The following IRAG2 variants were observed in gnomAD, a reference collection of about 807,000 sequenced individuals.
IRAG2 encodes inositol 1,4,5-triphosphate receptor associated 2.
Under a neutral mutation model 69.9 loss-of-function variants are expected in IRAG2, and 45 were observed. The ratio of observed to expected loss-of-function variants is 0.64; its 90% CI spans 0.51 to 0.83. The LOEUF is 0.83. Ranked by LOEUF, IRAG2 falls within the 40% of genes least tolerant of loss-of-function variation. IRAG2 has a pLI of 0.00. For missense variants in IRAG2, 520 were observed against 587.0 expected (o/e 0.89, Z 1.18); for synonymous variants, 193 against 202.4 (o/e 0.95, Z 0.40).
In IRAG2 at chr12:25,081,458, C is replaced by T. The variant is rs553246872; in HGVS notation, c.244+1695C>T. 1.1e-3 allele frequency among the ~76,000 whole-genome samples: 165 copies of T among 152,240 alleles called. 2 individuals are homozygous for T. The South Asian group carries it at 0.033, about 31-fold the overall frequency. On this transcript the variant is annotated intron_variant, in intron 9 of 21. Coordinates refer to ENST00000556887, the MANE Select transcript of IRAG2 (RefSeq NM_001366544.2). ...CAGCCTGGGCAACAGAGCAAGACTC[C>T]GTCTCAAATATATACAATTGTATGT...
In IRAG2 at chr12:25,052,899, A is replaced by C. The variant is rs572270901; in HGVS notation, c.-504A>C. ...GGAACAACGGAACCTTCAAACTATA[A>C]ATACTGAATTATCGAACACTTGCCA... is the stretch of plus-strand genomic sequence containing the variant. On this transcript the variant is annotated 5_prime_UTR_variant, in exon 1 of 22. Transcript: ENST00000556887. The C allele has an allele frequency of 5.0e-6, 2 of 398,582 alleles. No homozygotes were observed. The highest frequency in any genetic ancestry group is 8.8e-5 in the Admixed American group (2 of 22,736). 24.7% of individuals were successfully genotyped at this position (398,582 alleles called of 1,614,324 possible).
chr12:25,084,318 A>G (rs1025716560), intron 10 of IRAG2, among the ~76,000 whole-genome samples: 3 of 152,128 alleles, frequency 2.0e-5, no homozygotes, highest in African/African-American at 7.2e-5. Flanking sequence ...TGAGCCCAGG[A>G]GTTTGAGGCT....
At chr12:25,080,262 G>A (rs182824175) in intron 9 of IRAG2, among the ~76,000 whole-genome samples, 2 of 151,916 alleles carry the variant, frequency 1.3e-5, no homozygotes, top group Non-Finnish European at 2.9e-5. Context: ...CATTCCCAGT[G>A]AGACACCACT....
intron 6 of IRAG2, among the ~76,000 whole-genome samples, chr12:25,019,638 G>A (rs1944562017): frequency 6.6e-6 from 1 of 152,144 alleles, no homozygotes; most frequent in Non-Finnish European, 1.5e-5. Flanking sequence ...TGTGGGTACA[G>A]GATAGGGGGC....
chr12:25,074,519 C>T (rs1274216269), intron 6 of IRAG2, among the ~76,000 whole-genome samples: 1 of 152,186 alleles, frequency 6.6e-6, no homozygotes, highest in Non-Finnish European at 1.5e-5. Flanking sequence ...TTGTTGTCCA[C>T]ACTGTCCTAT....
chr12:25,013,219 GTAAT>G (rs1944491020), intron 3 of IRAG2, among the ~76,000 whole-genome samples: 1 of 152,212 alleles, frequency 6.6e-6, no homozygotes, highest in African/African-American at 2.4e-5. Context: ...GCTCGTGCCT[GTAAT>G]CCCAGCACTT....
intron 6 of IRAG2, among the ~76,000 whole-genome samples, chr12:25,070,928 T>A (rs1946298779): frequency 6.6e-6 from 1 of 152,232 alleles, no homozygotes; most frequent in Non-Finnish European, 1.5e-5. Context: ...TTGTATAACT[T>A]CTTTGGAGAC....
the IRAG2 span, among the ~76,000 whole-genome samples, chr12:24,998,702 A>C: frequency 6.6e-6 from 1 of 151,658 alleles, no homozygotes; most frequent in African/African-American, 2.4e-5. Context: ...TTTTTTTTTT[A>C]CGTATATTAA....
At chr12:25,071,970 G>A (rs1041659538) in intron 6 of IRAG2, among the ~76,000 whole-genome samples, 4 of 152,104 alleles carry the variant, frequency 2.6e-5, no homozygotes, top group African/African-American at 4.8e-5. Context: ...TTGGGAGACC[G>A]AGGCAGGTGG....
rs182947885 is a variant in IRAG2, at chr12:25,005,646, G to A, written c.688+292G>A. On this transcript the variant is annotated intron_variant, in intron 2 of 38. Transcript: ENST00000636465. ...TATTTATTGAAACTACTTACATGTC[G>A]TAGGTGGCGCCCCACAGGAAATATG... Among the ~76,000 whole-genome samples, 654 of 152,220 alleles carry A rather than the reference G, an allele frequency of 4.3e-3. 5 individuals carry two copies. Among genetic ancestry groups the A allele is most frequent in the African/African-American group, 0.015 (614 of 41,526 alleles).
intron 14 of IRAG2, chr12:25,090,901 A>G (rs1365111414): frequency 4.4e-6 from 2 of 449,916 alleles, no homozygotes; most frequent in Non-Finnish European, 8.9e-6. Context: ...ATTTCCATTT[A>G]TGATTAACTG....
chr12:25,021,091 C>CTTTTTTTTTTTTTTTTTTTTTT (rs71063389), intron 7 of IRAG2: 3 of 266,020 alleles, frequency 1.1e-5, no homozygotes, highest in Non-Finnish European at 1.3e-5. Flanking sequence ...TCTTTCTTTT[C>CTTTTTTTTTTTTTTTTTTTTTT]TTTTTTTTTT....
chr12:25,019,614 G>T (rs12580818), intron 6 of IRAG2, among the ~76,000 whole-genome samples: 3,183 of 152,232 alleles, frequency 0.021, 45 homozygotes, highest in East Asian at 0.084. Flanking sequence ...TCTGCCAGTG[G>T]AGCTTGGAGT....
chr12:25,020,958 GA>G (rs1944573729), intron 7 of IRAG2: 2 of 923,586 alleles, frequency 2.2e-6, no homozygotes, highest in Non-Finnish European at 2.8e-6. Context: ...TTACATAACT[GA>G]AATATACAAG....
chr12:24,998,892 G>A, the IRAG2 span, among the ~76,000 whole-genome samples: 1 of 136,000 alleles, frequency 7.4e-6, no homozygotes, highest in Non-Finnish European at 1.6e-5. Flanking sequence ...GAAAAAAACA[G>A]GAAAGATAAT....
intron 14 of IRAG2, chr12:25,093,327 T>C (rs548815250): frequency 1.3e-5 from 2 of 153,714 alleles, no homozygotes; most frequent in East Asian, 3.9e-4. Flanking sequence ...TGTGTCTTTT[T>C]CAACAGATGG....
In IRAG2 at chr12:25,045,474, TAAAC is replaced by T. The variant is rs1456099589; in HGVS notation, c.2145-6758_2145-6755del. Among the ~76,000 whole-genome samples, 13 of 152,012 alleles carry T rather than the reference TAAAC, an allele frequency of 8.6e-5. No homozygotes were observed. In the East Asian group the frequency reaches 9.6e-4, roughly 11 times the overall value. Reference sequence around the variant, plus strand: ...ACTAAGAGATGGATTTTTGAAAAGATAAACAAGACAAACAAACCTTTAGCTAGAC... The same window carrying T: ...ACTAAGAGATGGATTTTTGAAAAGATAAGACAAACAAACCTTTAGCTAGAC... On this transcript the variant is annotated intron_variant, in intron 16 of 38. Coordinates refer to the IRAG2 transcript ENST00000636465.
At chr12:25,078,915 T>G (rs1033352254) in intron 6 of IRAG2, among the ~76,000 whole-genome samples, 1 of 152,236 alleles carries the variant, frequency 6.6e-6, no homozygotes, top group African/African-American at 2.4e-5. Flanking sequence ...CTTGTAGAAT[T>G]TTCTGTTTAA....
chr12:25,009,735 A>T (rs1053846786), intron 2 of IRAG2, among the ~76,000 whole-genome samples: 1 of 152,174 alleles, frequency 6.6e-6, no homozygotes, highest in African/African-American at 2.4e-5. Context: ...CTGCTGGTGC[A>T]GTTCCCATCC....
Sources: allele counts gnomAD v4.1 joint callset (sites outside exome capture counted in the v4.1 genomes callset), GRCh38; gene constraint gnomAD v4.1.1; transcripts MANE v1.5; gene names NCBI Gene and HGNC (gene_info 2026-07-23, HGNC 2026-07-21).